The following SERPINB4 variants were observed in gnomAD, a reference collection of about 807,000 sequenced individuals.
SERPINB4 encodes the protein serpin B4.
In SERPINB4, 39 loss-of-function variants were observed where a neutral mutation model predicts 33.2. That is an observed-to-expected ratio of 1.18 (90% CI 0.91 to 1.53). The LOEUF is 1.53. Among genes scored for constraint, SERPINB4 ranks in the 40% most tolerant of loss-of-function variants. The probability of loss-of-function intolerance (pLI) is 0.00; values close to 1 mark genes in which losing one functional copy is unlikely to be tolerated. For synonymous variants in SERPINB4, 191 were observed against 166.4 expected (o/e 1.15, Z -1.14); for missense variants, 564 against 455.4 (o/e 1.24, Z -2.17).
Position 63,639,168 on chromosome 18 carries a change from T to C in SERPINB4, c.768+17A>G. 4 of 1,576,698 alleles carry C rather than the reference T, an allele frequency of 2.5e-6. No individual in the cohort carries two copies. Among genetic ancestry groups the C allele is most frequent in the South Asian group, 2.3e-5 (2 of 85,910 alleles). ...TGTCCGGCAGTAGAAGGAAGAGTTG[T>C]AGATGCAAGTTCTTACCTTCTGCAG... On this transcript the variant is annotated intron_variant, in intron 7 of 7. Transcript: ENST00000341074.
intron 6 of SERPINB4, 40 bp downstream of exon 6, chr18:63,639,594 A>T: frequency 3.8e-6 from 5 of 1,303,088 alleles, no homozygotes; most frequent in Non-Finnish European, 5.4e-6. Flanking sequence ...CATTCCATGT[A>T]TTAACATATT....
intron 6 of SERPINB4, 47 bp from the exon 7 acceptor site, chr18:63,639,387 CA>C (rs1568163094): frequency 6.5e-7 from 1 of 1,531,788 alleles, no homozygotes; most frequent in South Asian, 1.2e-5. Context: ...AAACACAAGA[CA>C]AAAAAGATAA....
rs1912962823 is a variant in SERPINB4, at chr18:63,637,509, T to C, written c.*210A>G. On this transcript the variant is annotated 3_prime_UTR_variant, in exon 8 of 8. Transcript: ENST00000341074. ...CATTTTTCCTCAAGGGAAATTTTTCTGGAAGGAAAAGTACATTTATATGTG... is the reference window on the plus strand; with the variant it reads ...CATTTTTCCTCAAGGGAAATTTTTCCGGAAGGAAAAGTACATTTATATGTG... 2.1e-6 allele frequency: 1 copy of C among 478,694 alleles called. No individual in the cohort carries two copies. The highest frequency in any genetic ancestry group is 3.5e-6 in the Non-Finnish European group (1 of 283,524). 29.7% of individuals were successfully genotyped at this position (478,694 alleles called of 1,614,324 possible).
chr18:63,641,803 A>C lies in SERPINB4; in HGVS notation c.308T>G (p.Ile103Ser). The change falls in exon 4 of 8, where the codon ATC becomes AGC. Residue 103 changes from isoleucine to serine, a missense_variant. Transcript: ENST00000341074. The part of the protein sequence containing the change: ...NKSTDAYELK[I>S]ANKLFGEKTY... ...CTTTTCTCCGAAGAGCTTGTTGGCG[A>C]TCTTCAGCTCATATGCATCAGTGGA... The C allele has an allele frequency of 6.2e-7, 1 of 1,613,492 alleles. No homozygotes were observed. Among genetic ancestry groups the C allele is most frequent in the Non-Finnish European group, 8.5e-7 (1 of 1,179,566 alleles).
chr18:63,638,853 C>T (rs1399264800), intron 7 of SERPINB4, among the ~76,000 whole-genome samples: 5 of 149,548 alleles, frequency 3.3e-5, no homozygotes, highest in African/African-American at 1.2e-4. Flanking sequence ...GGAGATATAC[C>T]TAACGCTAAA....
Position 63,643,253 on chromosome 18 carries a change from C to T in SERPINB4, c.166-36G>A. ...CATGAAGCGGGACAAGAAAACTTTACTCAAAAGATCTGTTTAAGTCAGTGG... is the reference window on the plus strand; with the variant it reads ...CATGAAGCGGGACAAGAAAACTTTATTCAAAAGATCTGTTTAAGTCAGTGG... On this transcript the variant is annotated intron_variant, in intron 2 of 7. Transcript: ENST00000341074. The T allele has an allele frequency of 3.1e-6, 5 of 1,612,982 alleles. No homozygotes were observed. In the Admixed American group the frequency reaches 6.7e-5, roughly 22 times the overall value.
intron 4 of SERPINB4, 28 bp from the exon 5 acceptor site, chr18:63,641,019 A>G (rs753176216): frequency 3.8e-6 from 6 of 1,565,824 alleles, no homozygotes; most frequent in Non-Finnish European, 5.3e-6. Flanking sequence ...AGAAGTAGGA[A>G]TTAGGAGTAA....
chr18:63,643,150 C>G lies in SERPINB4; in HGVS notation c.222+11G>C, dbSNP rs769070998. ...GGATCTAAAGCTGAACCATAGTGCT[C>G]TGTGACTCACATGATATGTTGCAGC... On this transcript the variant is annotated intron_variant, in intron 3 of 7. Transcript: ENST00000341074. 2.5e-5 allele frequency: 41 copies of G among 1,613,092 alleles called. No individual in the cohort carries two copies. The highest frequency in any genetic ancestry group is 3.4e-5 in the Non-Finnish European group (40 of 1,179,468).
intron 4 of SERPINB4, 52 bp from the exon 5 acceptor site, chr18:63,641,043 A>T (rs1162978802): frequency 1.1e-5 from 16 of 1,451,354 alleles, no homozygotes; most frequent in African/African-American, 1.4e-5. Context: ...ATGTAACTAT[A>T]TATTACCAAA....
intron 7 of SERPINB4, among the ~76,000 whole-genome samples, chr18:63,638,555 T>A (rs1913017228): frequency 6.6e-6 from 1 of 152,020 alleles, no homozygotes; most frequent in Non-Finnish European, 1.5e-5. Flanking sequence ...ATTATTAAAT[T>A]GTAATTCCCT....
intron 3 of SERPINB4, among the ~76,000 whole-genome samples, 174 bp from the exon 4 acceptor site, chr18:63,642,062 A>C (rs888387323): frequency 6.6e-6 from 1 of 152,030 alleles, no homozygotes; most frequent in Non-Finnish European, 1.5e-5. Flanking sequence ...TCCACCTTAT[A>C]TTTGACTTCT....
At chr18:63,643,266 T>G in intron 2 of SERPINB4, 49 bp from the exon 3 acceptor site, 1 of 1,612,696 alleles carries the variant, frequency 6.2e-7, no homozygotes, top group South Asian at 1.1e-5. Context: ...AAAAGATCTG[T>G]TTAAGTCAGT....
intron 7 of SERPINB4, among the ~76,000 whole-genome samples, chr18:63,638,473 A>AAGAATACTATTCATGT (rs1241652949): frequency 6.6e-6 from 1 of 152,044 alleles, no homozygotes; most frequent in East Asian, 1.9e-4. Context: ...TTGTGCCAAC[A>AAGAATACTATTCATGT]GCCTACTACA....
rs563381690 is a variant in SERPINB4, at chr18:63,640,811, C to G, written c.469+63G>C. On this transcript the variant is annotated intron_variant, in intron 5 of 7. Transcript: ENST00000341074. The stretch of plus-strand genomic sequence containing the variant: ...CCACACCTGTTCCCCCATGCAGTGT[C>G]AAGCACAAGGCTCACTGGCATAGGT... 152 of 1,428,172 alleles carry G rather than the reference C, an allele frequency of 1.1e-4. 3 individuals carry two copies. The South Asian group carries it at 1.7e-3, about 16-fold the overall frequency. 88.5% of individuals were successfully genotyped at this position (1,428,172 alleles called of 1,614,324 possible). A position where few individuals can be genotyped will look rare whatever the true frequency, so the allele number is the denominator to read the frequency against.
intron 7 of SERPINB4, among the ~76,000 whole-genome samples, 163 bp from the exon 8 acceptor site, chr18:63,638,286 C>T (rs192997836): frequency 2.0e-5 from 3 of 151,870 alleles, no homozygotes; most frequent in East Asian, 1.9e-4. Context: ...AATATGAGTC[C>T]TGAATATATA....
rs751112785 is a variant in SERPINB4 at position 63,637,981 on chromosome 18, A to G, written c.911T>C (p.Met304Thr). The G allele has an allele frequency of 1.2e-6, 2 of 1,613,676 alleles. No individual in the cohort carries two copies. Among genetic ancestry groups the G allele is most frequent in the Non-Finnish European group, 1.7e-6 (2 of 1,179,772 alleles). ...TGCATCCCCATTGAAGATATTCACC[A>G]TTCCCATGGTTCTCAACGTGTCCTT... Reference protein sequence around the residue: ...DLKDTLRTMGMVNIFNGDADL... With the variant: ...DLKDTLRTMGTVNIFNGDADL... The change falls in exon 8 of 8, where the codon ATG becomes ACG. Residue 304 changes from methionine to threonine, a missense_variant. Transcript: ENST00000341074.
intron 4 of SERPINB4, 135 bp downstream of exon 4, chr18:63,641,625 G>A: frequency 7.7e-7 from 1 of 1,304,756 alleles, no homozygotes; most frequent in Non-Finnish European, 1.1e-6. Flanking sequence ...TTGTGGAAAT[G>A]GAGCTAATGC....
rs769076305 is a variant in SERPINB4 at position 63,639,293 on chromosome 18, A to T, written c.660T>A (p.Asn220Lys). The T allele has an allele frequency of 5.1e-5, 82 of 1,612,496 alleles. No homozygotes were observed. Among genetic ancestry groups the T allele is most frequent in the Admixed American group, 6.7e-5 (4 of 59,848 alleles). ...VQMMRQYNSF[N>K]FALLEDVQAK... is the part of the protein sequence containing the mutation. ...CCTGTACATCCTCCAGCAAGGCAAA[A>T]TTAAAGGAATTGTATTGCCTCATCA... The change falls in exon 7 of 8, where the codon AAT becomes AAA. Residue 220 changes from asparagine to lysine, a missense_variant. Physicochemically the swap from Asn to Lys is moderately conservative, Grantham distance 94. Coordinates refer to ENST00000341074, the MANE Select transcript of SERPINB4 (RefSeq NM_002974.4).
Position 63,643,083 on chromosome 18 carries a change from T to C in SERPINB4, c.222+78A>G, listed in dbSNP as rs184172213. ...ATTTTCCCTAAAACTGGCCTTTTCTTAGTTTTTGTGAAGTTCCAGGTTTAA... is the reference window on the plus strand; with the variant it reads ...ATTTTCCCTAAAACTGGCCTTTTCTCAGTTTTTGTGAAGTTCCAGGTTTAA... On this transcript the variant is annotated intron_variant, in intron 3 of 7. Transcript: ENST00000341074. The C allele has an allele frequency of 1.3e-4, 210 of 1,586,500 alleles. No homozygotes were observed. In the African/African-American group the frequency reaches 2.6e-3, roughly 20 times the overall value.
Sources: allele counts gnomAD v4.1 joint callset (sites outside exome capture counted in the v4.1 genomes callset), GRCh38; gene constraint gnomAD v4.1.1; transcripts MANE v1.5; gene names NCBI Gene and HGNC (gene_info 2026-07-23, HGNC 2026-07-21).